The following PRR5L variants were observed in gnomAD, a reference collection of about 807,000 sequenced individuals.
The protein encoded by PRR5L is proline rich 5 like.
PRR5L carries 21 observed loss-of-function variants against 36.4 expected under a neutral mutation model. The observed-to-expected ratio is 0.58, with a 90% CI of 0.41 to 0.83. The LOEUF is 0.83. Among genes scored for constraint, PRR5L ranks in the 40% least tolerant of loss-of-function variants. PRR5L has a pLI of 0.00. For synonymous variants in PRR5L, 188 were observed against 197.0 expected (o/e 0.95, Z 0.38); for missense variants, 381 against 473.3 (o/e 0.80, Z 1.81).
At position 36,344,476 on chromosome 11, in the gene PRR5L, G is replaced by T. The variant is rs1221613410; in HGVS notation, c.-126+48038G>T. ...GGCAAACATAATGTTCCATTCTATG[G>T]CTATATTGTACCACCTGTTTTGGAC... is the stretch of plus-strand genomic sequence containing the variant. On this transcript the variant is annotated intron_variant, in intron 1 of 8. Transcript: ENST00000530639. This position sits in a 1 kb window ranked among gnomAD's most constrained non-coding sequence, Gnocchi z 4.1. 6.6e-6 allele frequency among the ~76,000 whole-genome samples: 1 copy of T among 151,982 alleles called. No individual in the cohort carries two copies. Among genetic ancestry groups the T allele is most frequent in the Non-Finnish European group, 1.5e-5 (1 of 68,002 alleles).
At chr11:36,384,380 A>T (rs998524081) in intron 1 of PRR5L, among the ~76,000 whole-genome samples, 1 of 152,126 alleles carries the variant, frequency 6.6e-6, no homozygotes, top group Non-Finnish European at 1.5e-5. Context: ...TTACTTTTGG[A>T]TATTTCCTTA....
At chr11:36,370,629 C>G (rs1565422155) in intron 1 of PRR5L, among the ~76,000 whole-genome samples, 2 of 152,170 alleles carry the variant, frequency 1.3e-5, no homozygotes, top group Non-Finnish European at 2.9e-5. Context: ...CGCCTGTAAT[C>G]CCAGCACTTT....
At position 36,463,972 on chromosome 11, in the gene PRR5L, TGGGAGAGA is replaced by T. The variant is rs1859244854; in HGVS notation, c.*1240_*1247del. 1 of 152,156 alleles carries T rather than the reference TGGGAGAGA, an allele frequency of 6.6e-6. No individual in the cohort carries two copies. The highest frequency in any genetic ancestry group is 2.1e-4 in the South Asian group (1 of 4,804). The allele number at this position is 152,156 out of a possible 1,614,324, so 9.4% of individuals were successfully genotyped here. ...GGAATGTTTCCATGCTTTACAGTGCTGGGAGAGAGGGGAGATGTGGGCAGGACCTTTTG... is the reference window on the plus strand; with the variant it reads ...GGAATGTTTCCATGCTTTACAGTGCTGGGGAGATGTGGGCAGGACCTTTTG... On this transcript the variant is annotated 3_prime_UTR_variant, in exon 9 of 9. Coordinates refer to ENST00000530639, the MANE Select transcript of PRR5L (RefSeq NM_001160167.2).
At chr11:36,392,929 A>G (rs1426300971) in intron 1 of PRR5L, among the ~76,000 whole-genome samples, 1 of 152,212 alleles carries the variant, frequency 6.6e-6, no homozygotes, top group Non-Finnish European at 1.5e-5. Flanking sequence ...ACCACATCAA[A>G]TGATGTTGCA....
At chr11:36,329,385 T>A (rs550406814) in intron 1 of PRR5L, 1 of 152,152 alleles carries the variant, frequency 6.6e-6, no homozygotes, top group East Asian at 1.9e-4. Context: ...GGAGAAAAAT[T>A]GGAAACATTA....
At chr11:36,430,384 C>T (rs1228906864) in intron 4 of PRR5L, among the ~76,000 whole-genome samples, 1 of 152,170 alleles carries the variant, frequency 6.6e-6, no homozygotes. Flanking sequence ...TGCACTCCAG[C>T]CTGGGTGACA....
intron 8 of PRR5L, among the ~76,000 whole-genome samples, chr11:36,459,438 A>C (rs1859132593): frequency 6.6e-6 from 1 of 152,114 alleles, no homozygotes; most frequent in African/African-American, 2.4e-5. Flanking sequence ...GGCTTCAGTT[A>C]TCTGAGTTTT....
chr11:36,355,774 T>C (rs1244169047), intron 1 of PRR5L, among the ~76,000 whole-genome samples: 3 of 151,772 alleles, frequency 2.0e-5, no homozygotes, highest in Admixed American at 2.0e-4. Flanking sequence ...TGTTGGCCAG[T>C]CTGGTCTCGA....
chr11:36,409,493 C>T (rs1169193061), intron 3 of PRR5L, among the ~76,000 whole-genome samples: 1 of 152,162 alleles, frequency 6.6e-6, no homozygotes, highest in Non-Finnish European at 1.5e-5. Flanking sequence ...AAATATCTTC[C>T]TTCTGAGTCA....
At chr11:36,451,456 G>A in intron 8 of PRR5L, 121 bp downstream of exon 8, 1 of 1,254,382 alleles carries the variant, frequency 8.0e-7, no homozygotes, top group East Asian at 2.5e-5. Context: ...ACAGCCTTTT[G>A]CTTCCTGTGC....
intron 1 of PRR5L, among the ~76,000 whole-genome samples, chr11:36,315,644 T>G (rs1453501688): frequency 6.6e-6 from 1 of 152,248 alleles, no homozygotes; most frequent in Non-Finnish European, 1.5e-5. Context: ...TCTTGACCAG[T>G]GTTCCCTTTG....
rs763549439 is a variant in PRR5L at position 36,401,207 on chromosome 11, C to T, written c.86C>T (p.Ser29Phe). Residue 29 changes from serine to phenylalanine, a missense_variant, in exon 2 of 9, where the codon TCC (serine) becomes TTC (phenylalanine). By Grantham distance (155) the Ser-to-Phe change is radical. Transcript: ENST00000530639. ...FRRPRPRFMS[S>F]PVLSDLPRFQ... ...AGGCCTAGACCGCGCTTCATGAGCT[C>T]CCCCGTGCTCAGCGACCTTCCCCGA... The T allele has an allele frequency of 5.6e-6, 9 of 1,613,760 alleles. No homozygotes were observed. Among genetic ancestry groups the T allele is most frequent in the East Asian group, 2.2e-5 (1 of 44,860 alleles).
At chr11:36,353,865 G>A (rs1441244304) in intron 1 of PRR5L, among the ~76,000 whole-genome samples, 1 of 152,094 alleles carries the variant, frequency 6.6e-6, no homozygotes, top group Non-Finnish European at 1.5e-5. Context: ...CCTGGGGGTT[G>A]GGGACCCCTG....
At position 36,379,047 on chromosome 11, in the gene PRR5L, T is replaced by C. The variant is rs193135891; in HGVS notation, c.-125-21950T>C. On this transcript the variant is annotated intron_variant, in intron 1 of 8. Transcript: ENST00000530639. ...TCAAAATTTCACAGAATGTTACAAATTGGCTCAGTTATTGGGGAAAAAAGC... is the reference window on the plus strand; with the variant it reads ...TCAAAATTTCACAGAATGTTACAAACTGGCTCAGTTATTGGGGAAAAAAGC... 3.1e-3 allele frequency among the ~76,000 whole-genome samples: 467 copies of C among 152,338 alleles called. 2 individuals carry two copies. The highest frequency in any genetic ancestry group is 4.7e-3 in the Non-Finnish European group (320 of 68,024).
At chr11:36,300,511 G>A (rs1856363402) in intron 1 of PRR5L, among the ~76,000 whole-genome samples, 1 of 152,052 alleles carries the variant, frequency 6.6e-6, no homozygotes, top group African/African-American at 2.4e-5. Context: ...ATTTAGAGGA[G>A]ACAAACATTC....
intron 1 of PRR5L, among the ~76,000 whole-genome samples, chr11:36,308,534 G>T (rs754200617): frequency 6.6e-6 from 1 of 152,128 alleles, no homozygotes; most frequent in African/African-American, 2.4e-5. Context: ...TCTCCTCCTC[G>T]CAGCTTATGG....
intron 2 of PRR5L, 36 bp from the exon 3 acceptor site, chr11:36,403,262 G>T: frequency 6.3e-7 from 1 of 1,589,852 alleles, no homozygotes; most frequent in South Asian, 1.1e-5. Context: ...CAAGAAGGGA[G>T]ATTCTCTAAC....
At chr11:36,459,314 ACT>A (rs1859130048) in intron 8 of PRR5L, among the ~76,000 whole-genome samples, 1 of 151,836 alleles carries the variant, frequency 6.6e-6, no homozygotes, top group South Asian at 2.1e-4. Flanking sequence ...TCTATTCCAA[ACT>A]CTGTGCATGT....
intron 8 of PRR5L, among the ~76,000 whole-genome samples, chr11:36,461,753 C>T (rs1243200614): frequency 6.6e-6 from 1 of 152,166 alleles, no homozygotes; most frequent in Non-Finnish European, 1.5e-5. Flanking sequence ...GGAGAATTGA[C>T]TTGAACAGAA....
Sources: allele counts gnomAD v4.1 joint callset (sites outside exome capture counted in the v4.1 genomes callset), GRCh38; gene constraint gnomAD v4.1.1; non-coding constraint Gnocchi (gnomAD v3.1); transcripts MANE v1.5; gene names NCBI Gene and HGNC (gene_info 2026-07-23, HGNC 2026-07-21).